CTNNA3: variants seen among roughly 807,000 people sequenced by gnomAD.
CTNNA3 encodes catenin alpha 3, also known as catenin alpha-3.
In CTNNA3, 76 loss-of-function variants were observed where a neutral mutation model predicts 95.7. That is an observed-to-expected ratio of 0.79 (90% CI 0.66 to 0.96). CTNNA3 has a LOEUF of 0.96. Ranked by LOEUF, CTNNA3 falls within the 40% of genes least tolerant of loss-of-function variation. The probability of loss-of-function intolerance (pLI) is 0.00; values close to 1 mark genes in which losing one functional copy is unlikely to be tolerated. For synonymous variants in CTNNA3, 431 were observed against 374.4 expected (o/e 1.15, Z -1.74); for missense variants, 1,191 against 1,089.8 (o/e 1.09, Z -1.31).
At chr10:66,783,381 A>G (rs1840615387) in intron 7 of CTNNA3, among the ~76,000 whole-genome samples, 1 of 152,164 alleles carries the variant, frequency 6.6e-6, no homozygotes, top group South Asian at 2.1e-4. Flanking sequence ...ATATCAATTA[A>G]TGATTAAATT....
rs571580792 is a variant in CTNNA3 at position 65,917,383 on chromosome 10, T to A, written c.*2947A>T. 2 of 152,168 alleles carry A rather than the reference T, an allele frequency of 1.3e-5. No homozygotes were observed. The highest frequency in any genetic ancestry group is 2.9e-5 in the Non-Finnish European group (2 of 68,034). The allele number at this position is 152,168 out of a possible 1,614,324, so 9.4% of individuals were successfully genotyped here. A position where few individuals can be genotyped will look rare whatever the true frequency, so the allele number is the denominator to read the frequency against. On this transcript the variant is annotated 3_prime_UTR_variant, in exon 18 of 18. Coordinates refer to ENST00000433211, the MANE Select transcript of CTNNA3 (RefSeq NM_013266.4). ...TTGTCATAAATTAAAGGGAATGATT[T>A]CTATTTCTCACTTTTTATATTTGAT...
chr10:67,611,673 T>C (rs1392369947), intron 2 of CTNNA3, among the ~76,000 whole-genome samples: 4 of 152,174 alleles, frequency 2.6e-5, no homozygotes, highest in Non-Finnish European at 5.9e-5. Flanking sequence ...ATAACCTTGT[T>C]CCTTCCCAAT....
intron 3 of CTNNA3, among the ~76,000 whole-genome samples, chr10:67,554,624 G>GT (rs1019403355): frequency 2.9e-4 from 44 of 152,204 alleles, no homozygotes; most frequent in Middle Eastern, 3.4e-3. Flanking sequence ...TTGTAAATTT[G>GT]TTTAAGTTCT....
intron 5 of CTNNA3, among the ~76,000 whole-genome samples, chr10:67,410,720 T>C (rs1223001330): frequency 6.6e-6 from 1 of 151,572 alleles, no homozygotes; most frequent in Non-Finnish European, 1.5e-5. Flanking sequence ...ACTAGGTATA[T>C]ACCCAAAGTA....
chr10:67,746,304 A>G (rs529430690), intron 1 of CTNNA3, among the ~76,000 whole-genome samples: 1 of 152,270 alleles, frequency 6.6e-6, no homozygotes, highest in South Asian at 2.1e-4. Flanking sequence ...CAAAGGTACT[A>G]AGAACATACA....
intron 5 of CTNNA3, among the ~76,000 whole-genome samples, chr10:67,391,725 G>A (rs1844496829): frequency 6.7e-6 from 1 of 148,794 alleles, no homozygotes; most frequent in South Asian, 2.2e-4. Context: ...CAATGGAACA[G>A]AACAGAGCCC....
At chr10:66,285,026 T>G (rs1050936636) in intron 12 of CTNNA3, among the ~76,000 whole-genome samples, 4 of 151,946 alleles carry the variant, frequency 2.6e-5, no homozygotes, top group Non-Finnish European at 5.9e-5. Context: ...GTTTGGTACC[T>G]CATAGATCAT....
chr10:66,417,298 A>G (rs1035745891), intron 11 of CTNNA3, among the ~76,000 whole-genome samples: 3 of 152,012 alleles, frequency 2.0e-5, no homozygotes, highest in Admixed American at 6.5e-5. Context: ...ACAACTAAAT[A>G]GTGATAAAAG....
At position 67,165,009 on chromosome 10, in the gene CTNNA3, G is replaced by T. The variant is rs541478737; in HGVS notation, c.1047+15308C>A. On this transcript the variant is annotated intron_variant, in intron 7 of 17. Transcript: ENST00000433211. The stretch of plus-strand genomic sequence containing the variant: ...TAACCTAGCAATCACACTTGTGGGT[G>T]TTTCTCTTAGAGAAATTAAAATTTA... Among the ~76,000 whole-genome samples, 21 of 152,240 alleles carry T rather than the reference G, an allele frequency of 1.4e-4. 1 individual carries two copies. In the South Asian group the frequency reaches 3.9e-3, roughly 29 times the overall value.
intron 7 of CTNNA3, among the ~76,000 whole-genome samples, chr10:67,080,936 C>CA (rs58476986): frequency 0.037 from 1,148 of 31,358 alleles, 5 homozygotes; most frequent in African/African-American, 0.12. Context: ...AAAAAAACAA[C>CA]AAAAAAAAAA....
chr10:66,948,846 T>C (rs539430594), intron 7 of CTNNA3, among the ~76,000 whole-genome samples: 2 of 152,214 alleles, frequency 1.3e-5, no homozygotes, highest in Non-Finnish European at 2.9e-5. Context: ...TCCAATATAA[T>C]ACTTCAGTGA....
chr10:66,093,741 C>T (rs181921072), intron 14 of CTNNA3, among the ~76,000 whole-genome samples: 13 of 152,078 alleles, frequency 8.5e-5, no homozygotes, highest in Non-Finnish European at 1.2e-4. Flanking sequence ...ATTTATCTGG[C>T]ACAAGGAGTT....
At chr10:67,180,251 T>G (rs1862455323) in intron 7 of CTNNA3, 66 bp downstream of exon 7, 1 of 1,309,418 alleles carries the variant, frequency 7.6e-7, no homozygotes, top group African/African-American at 1.5e-5. Flanking sequence ...ACGGAAAGTA[T>G]CTCAGCCTAT....
In CTNNA3 at chr10:67,180,481, C is replaced by A; in HGVS notation, c.883G>T (p.Glu295Ter). 1 of 1,613,784 alleles carries A rather than the reference C, an allele frequency of 6.2e-7. No individual in the cohort carries two copies. Among genetic ancestry groups the A allele is most frequent in the Non-Finnish European group, 8.5e-7 (1 of 1,179,814 alleles). ...CGTTTCTCTAGTGATGGTCGTATTT[C>A]CTCCTCAGTTACTGTGAGTGGATTC... Reference protein sequence around the residue: ...VLNPLTVTEEEIRPSLEKRLE... With the variant: ...VLNPLTVTEE Residue 295 changes from glutamate to a stop codon, truncating the protein, a stop_gained, in exon 7 of 18, where the codon GAA (glutamate) becomes TAA (stop). Transcript: ENST00000433211. LOFTEE classifies it high-confidence loss of function.
Position 67,237,122 on chromosome 10 carries a change from G to GTACA in CTNNA3, c.580-17253_580-17252insTGTA, listed in dbSNP as rs1554810758. Among the ~76,000 whole-genome samples the GTACA allele has an allele frequency of 3.8e-5, 3 of 79,636 alleles. No homozygotes were observed. The Admixed American group carries it at 5.1e-4, about 13-fold the overall frequency. The allele number at this position is 79,636 out of a possible 152,430, so 52.2% of individuals were successfully genotyped here. ...AATGAGTGGATAAAGAAACTATGGTGTATGTATATATATATATATATATAT... is the reference window on the plus strand; with the variant it reads ...AATGAGTGGATAAAGAAACTATGGTGTACATATGTATATATATATATATATATAT... On this transcript the variant is annotated intron_variant, in intron 5 of 17. Transcript: ENST00000433211.
intron 6 of CTNNA3, among the ~76,000 whole-genome samples, chr10:67,180,738 C>A (rs572923544): frequency 3.3e-5 from 5 of 152,142 alleles, no homozygotes; most frequent in Non-Finnish European, 7.3e-5. Context: ...TAGCCTCAGA[C>A]AGACCTGGAT....
At chr10:67,487,606 G>A (rs569928339) in intron 5 of CTNNA3, among the ~76,000 whole-genome samples, 1 of 152,312 alleles carries the variant, frequency 6.6e-6, no homozygotes, top group South Asian at 2.1e-4. Flanking sequence ...CAACCTGGGT[G>A]GTTCCCCATG....
chr10:67,456,000 C>G (rs1023280511), intron 5 of CTNNA3, among the ~76,000 whole-genome samples: 3 of 152,082 alleles, frequency 2.0e-5, no homozygotes, highest in African/African-American at 7.2e-5. Flanking sequence ...GAAAGGTATA[C>G]AAGAACTCCT....
At chr10:66,108,652 C>A (rs935747448) in intron 13 of CTNNA3, among the ~76,000 whole-genome samples, 4 of 151,890 alleles carry the variant, frequency 2.6e-5, no homozygotes, top group African/African-American at 7.3e-5. Flanking sequence ...TTTATCCCTA[C>A]TAGAACTTAA....
Sources: allele counts gnomAD v4.1 joint callset (sites outside exome capture counted in the v4.1 genomes callset), GRCh38; gene constraint gnomAD v4.1.1; transcripts MANE v1.5; gene names NCBI Gene and HGNC (gene_info 2026-07-23, HGNC 2026-07-21).